The following RFX3 variants were observed in gnomAD, a reference collection of about 807,000 sequenced individuals.
The protein encoded by RFX3 is transcription factor RFX3.
Under a neutral mutation model 98.6 loss-of-function variants are expected in RFX3, and 14 were observed. The observed-to-expected ratio is 0.14, with a 90% CI of 0.09 to 0.22. The LOEUF (loss-of-function observed/expected upper bound fraction) is 0.22. Among genes scored for constraint, RFX3 ranks in the 10% least tolerant of loss-of-function variants. RFX3 has a pLI of 1.00. For synonymous variants in RFX3, 383 were observed against 328.4 expected, an observed-to-expected ratio of 1.17 and a Z score of -1.80; for missense variants, 639 against 926.9, an observed-to-expected ratio of 0.69 and a Z score of 4.03.
rs537854549 is a variant in RFX3, at chr9:3,221,578, G to A, written c.*3464C>T. On this transcript the variant is annotated 3_prime_UTR_variant, in exon 17 of 17. Transcript: ENST00000617270. ...AGGAAAGCAGATTTCTGAAAAGGCAGTAAGACTTATACAGTCAGTCCAAAC... is the reference window on the plus strand; with the variant it reads ...AGGAAAGCAGATTTCTGAAAAGGCAATAAGACTTATACAGTCAGTCCAAAC... 6.6e-6 allele frequency: 1 copy of A among 152,288 alleles called. No individual in the cohort carries two copies. The highest frequency in any genetic ancestry group is 2.1e-4 in the South Asian group (1 of 4,824). The allele number at this position is 152,288 out of a possible 1,614,324, so 9.4% of individuals were successfully genotyped here. A position where few individuals can be genotyped will look rare whatever the true frequency, so the allele number is the denominator to read the frequency against.
intron 3 of RFX3, among the ~76,000 whole-genome samples, chr9:3,343,580 A>T (rs1834129477): frequency 1.3e-5 from 2 of 152,218 alleles, no homozygotes; most frequent in Non-Finnish European, 2.9e-5. Context: ...CTTATGCTGA[A>T]AAAAATTTTC....
intron 1 of RFX3, among the ~76,000 whole-genome samples, chr9:3,460,163 G>T (rs1032909375): frequency 6.6e-6 from 1 of 152,000 alleles, no homozygotes; most frequent in Non-Finnish European, 1.5e-5. Context: ...AAATTCATCA[G>T]CTTTATTGTA....
At chr9:3,435,380 T>C (rs1845032070) in intron 1 of RFX3, among the ~76,000 whole-genome samples, 1 of 144,918 alleles carries the variant, frequency 6.9e-6, no homozygotes, top group Non-Finnish European at 1.5e-5. Flanking sequence ...TCTTTTTGTA[T>C]ATTTAGTTTT....
At chr9:3,286,178 A>G (rs1320912998) in intron 7 of RFX3, among the ~76,000 whole-genome samples, 2 of 151,800 alleles carry the variant, frequency 1.3e-5, no homozygotes, top group African/African-American at 2.4e-5. Flanking sequence ...TAGTGGTGCT[A>G]TGCATGAGTG....
chr9:3,436,619 T>G (rs759717274), intron 1 of RFX3, among the ~76,000 whole-genome samples: 17 of 152,120 alleles, frequency 1.1e-4, no homozygotes, highest in Non-Finnish European at 2.1e-4. Context: ...TACATGCCAG[T>G]TGGCTGGCCC....
chr9:3,288,945 T>C (rs901148037), intron 6 of RFX3, among the ~76,000 whole-genome samples: 5 of 152,094 alleles, frequency 3.3e-5, no homozygotes, highest in African/African-American at 7.2e-5. Flanking sequence ...AATTTCTCTA[T>C]GAAAATGGCA....
At chr9:3,501,411 T>G (rs906283245) in intron 1 of RFX3, among the ~76,000 whole-genome samples, 36 of 152,070 alleles carry the variant, frequency 2.4e-4, no homozygotes, top group African/African-American at 3.6e-4. Context: ...AAAAGAAAAA[T>G]AAAATTACTC....
chr9:3,369,995 A>ATTTTTTTT (rs71324244), intron 2 of RFX3, among the ~76,000 whole-genome samples: 7 of 132,642 alleles, frequency 5.3e-5, no homozygotes, highest in African/African-American at 2.1e-4. Context: ...CGCCCGGCTA[A>ATTTTTTTT]TTTTTTTTTT....
chr9:3,408,876 T>C (rs1483247481), intron 1 of RFX3, among the ~76,000 whole-genome samples: 1 of 152,210 alleles, frequency 6.6e-6, no homozygotes, highest in Non-Finnish European at 1.5e-5. Flanking sequence ...TCGGGTACGA[T>C]AAAACTAGGT....
intron 1 of RFX3, among the ~76,000 whole-genome samples, chr9:3,448,402 C>T (rs977953965): frequency 1.3e-5 from 2 of 152,176 alleles, no homozygotes; most frequent in African/African-American, 2.4e-5. Flanking sequence ...CCATTTCGAC[C>T]TTTACATCCC....
chr9:3,507,519 A>T (rs1176299372), intron 1 of RFX3, among the ~76,000 whole-genome samples: 1 of 151,928 alleles, frequency 6.6e-6, no homozygotes, highest in Non-Finnish European at 1.5e-5. Context: ...AGTCAGTGGC[A>T]GAGCTCGAAT....
At chr9:3,325,819 T>G (rs1170861855) in intron 4 of RFX3, among the ~76,000 whole-genome samples, 1 of 152,114 alleles carries the variant, frequency 6.6e-6, no homozygotes, top group African/African-American at 2.4e-5. Flanking sequence ...TAAAATTCTA[T>G]AAATGATGTG....
chr9:3,471,711 C>T (rs1268751398), intron 1 of RFX3, among the ~76,000 whole-genome samples: 1 of 152,188 alleles, frequency 6.6e-6, no homozygotes, highest in Non-Finnish European at 1.5e-5. Context: ...AGAAAAAATC[C>T]TCCTTAAATC....
intron 2 of RFX3, among the ~76,000 whole-genome samples, chr9:3,356,278 C>T (rs944853945): frequency 1.3e-5 from 2 of 151,368 alleles, no homozygotes; most frequent in African/African-American, 4.8e-5. Context: ...GCAAGGTAGA[C>T]TTATCAAAGA....
chr9:3,459,646 TGA>T (rs1178004468), intron 1 of RFX3, among the ~76,000 whole-genome samples: 4 of 152,120 alleles, frequency 2.6e-5, no homozygotes, highest in African/African-American at 9.6e-5. Flanking sequence ...GACATACTCA[TGA>T]GAGTCAGAAT....
chr9:3,505,742 A>G (rs577309423), intron 1 of RFX3, among the ~76,000 whole-genome samples: 1 of 151,076 alleles, frequency 6.6e-6, no homozygotes, highest in South Asian at 2.1e-4. Context: ...TAAAATTACA[A>G]CCTTCTCCAC....
chr9:3,338,545 T>C (rs1833472578), intron 3 of RFX3, among the ~76,000 whole-genome samples: 1 of 152,198 alleles, frequency 6.6e-6, no homozygotes, highest in African/African-American at 2.4e-5. Context: ...GGTAGAACAG[T>C]GGTTCTCACA....
chr9:3,438,553 A>G (rs1347668174), intron 1 of RFX3, among the ~76,000 whole-genome samples: 1 of 152,082 alleles, frequency 6.6e-6, no homozygotes, highest in South Asian at 2.1e-4. Flanking sequence ...GTAAATGCCA[A>G]TGATCTAAAT....
At chr9:3,242,633 G>A (rs1820114369) in intron 15 of RFX3, among the ~76,000 whole-genome samples, 1 of 151,980 alleles carries the variant, frequency 6.6e-6, no homozygotes, top group South Asian at 2.1e-4. Context: ...TTCTTTCACT[G>A]AGCTTTTATC....
Sources: gnomAD v4.1 joint callset for allele counts (sites outside exome capture counted in the v4.1 genomes callset) on GRCh38, gnomAD v4.1.1 for gene constraint, MANE v1.5 for transcripts, NCBI Gene and HGNC (gene_info 2026-07-23, HGNC 2026-07-21) for gene names.